MCC: variants seen among roughly 807,000 people sequenced by gnomAD.
MCC encodes the protein colorectal mutant cancer protein.
MCC carries 90 observed loss-of-function variants against 116.2 expected under a neutral mutation model. The ratio of observed to expected loss-of-function variants is 0.77; its 90% CI spans 0.65 to 0.92. The LOEUF (loss-of-function observed/expected upper bound fraction) is 0.92. Ranked by LOEUF, MCC falls within the 40% of genes least tolerant of loss-of-function variation. The pLI is 0.00. For synonymous variants in MCC, 578 were observed against 510.5 expected (o/e 1.13, Z -1.78); for missense variants, 1,516 against 1,312.2 (o/e 1.16, Z -2.40).
intron 3 of MCC, among the ~76,000 whole-genome samples, chr5:113,182,599 A>G (rs1332288585): frequency 2.7e-5 from 4 of 150,052 alleles, no homozygotes; most frequent in South Asian, 2.1e-4. Context: ...TATCTCAAAG[A>G]AAAAAAAAAG....
chr5:113,397,972 G>A (rs916112188), intron 1 of MCC, among the ~76,000 whole-genome samples: 2 of 152,062 alleles, frequency 1.3e-5, no homozygotes, highest in African/African-American at 2.4e-5. Context: ...CAATCTATAA[G>A]GAGCTTAAAT....
intron 8 of MCC, among the ~76,000 whole-genome samples, chr5:113,096,332 G>C (rs376108926): frequency 8.1e-4 from 123 of 152,266 alleles, no homozygotes; most frequent in African/African-American, 2.6e-3. Context: ...CATAATGTGG[G>C]GGAGTGTGCC....
intron 1 of MCC, chr5:113,435,024 C>A (rs535870451): frequency 2.7e-5 from 18 of 659,180 alleles, no homozygotes; most frequent in African/African-American, 7.2e-5. Flanking sequence ...ATGACTTCAG[C>A]GAGTGAAGTC....
intron 6 of MCC, among the ~76,000 whole-genome samples, chr5:113,110,868 A>G (rs1027334081): frequency 1.3e-5 from 2 of 152,238 alleles, no homozygotes; most frequent in South Asian, 4.1e-4. Context: ...ATTTATGGCT[A>G]TCCTTGTAAA....
chr5:113,349,048 G>A (rs771598838), intron 2 of MCC, among the ~76,000 whole-genome samples: 3 of 151,790 alleles, frequency 2.0e-5, no homozygotes, highest in Admixed American at 6.6e-5. Context: ...AATCATGAGC[G>A]TGAAGCCATA....
chr5:113,149,287 T>G (rs1056436601), intron 4 of MCC, among the ~76,000 whole-genome samples: 4 of 152,068 alleles, frequency 2.6e-5, no homozygotes, highest in African/African-American at 9.6e-5. Context: ...AAGTTTCAGT[T>G]TGGAGACCAC....
chr5:113,238,103 T>C (rs1235488878), intron 3 of MCC, among the ~76,000 whole-genome samples: 1 of 152,176 alleles, frequency 6.6e-6, no homozygotes, highest in Non-Finnish European at 1.5e-5. Context: ...GCTTCCCTCA[T>C]GGCATAAGTA....
chr5:113,128,862 G>T (rs1316457480), intron 5 of MCC, among the ~76,000 whole-genome samples: 1 of 152,172 alleles, frequency 6.6e-6, no homozygotes, highest in African/African-American at 2.4e-5. Flanking sequence ...TACAGTTTTT[G>T]AAATGCAACA....
intron 3 of MCC, among the ~76,000 whole-genome samples, chr5:113,178,382 G>T (rs1761446154): frequency 6.6e-6 from 1 of 151,840 alleles, no homozygotes; most frequent in South Asian, 2.1e-4. Flanking sequence ...AAGGATTCTG[G>T]CCTGTTTCCA....
At chr5:113,045,248 A>G (rs2150216765) in intron 16 of MCC, among the ~76,000 whole-genome samples, 1 of 152,294 alleles carries the variant, frequency 6.6e-6, no homozygotes, top group South Asian at 2.1e-4. Flanking sequence ...CGAGAATTTC[A>G]AAACCTAACG....
At chr5:113,445,849 A>G (rs564515370) in intron 1 of MCC, among the ~76,000 whole-genome samples, 57 of 151,242 alleles carry the variant, frequency 3.8e-4, no homozygotes, top group Non-Finnish European at 4.6e-4. Flanking sequence ...ACTTCAAACT[A>G]TGTTATAAAG....
Position 113,033,678 on chromosome 5 carries a change from T to TA in MCC, c.2757-4623dup, listed in dbSNP as rs1351136110. Among the ~76,000 whole-genome samples, 5 of 152,294 alleles carry TA rather than the reference T, an allele frequency of 3.3e-5. No homozygotes were observed. The East Asian group carries it at 9.7e-4, about 29-fold the overall frequency. Reference sequence around the variant, plus strand: ...CAGTGTTTCCTGGAATGGCCAGAAATACATAATCCATTCCTTTTTTATGCC... The same window carrying TA: ...CAGTGTTTCCTGGAATGGCCAGAAATAACATAATCCATTCCTTTTTTATGCC... On this transcript the variant is annotated intron_variant, in intron 17 of 18. Coordinates refer to ENST00000408903, the MANE Select transcript of MCC (RefSeq NM_001085377.2).
At chr5:113,345,255 C>T (rs147141163) in intron 2 of MCC, among the ~76,000 whole-genome samples, 2 of 152,050 alleles carry the variant, frequency 1.3e-5, no homozygotes, top group African/African-American at 4.8e-5. Flanking sequence ...AATAGAGTAC[C>T]AGGTAGATTT....
chr5:113,467,173 A>G (rs1447659054), intron 1 of MCC, among the ~76,000 whole-genome samples: 1 of 151,856 alleles, frequency 6.6e-6, no homozygotes, highest in Non-Finnish European at 1.5e-5. Flanking sequence ...TGCTGTGCAG[A>G]AGCTCTTCAG....
At chr5:113,094,584 C>A (rs1271338635) in intron 8 of MCC, among the ~76,000 whole-genome samples, 1 of 152,018 alleles carries the variant, frequency 6.6e-6, no homozygotes, top group Non-Finnish European at 1.5e-5. Context: ...CCACGCCTGG[C>A]TAATTTTTTG....
At chr5:113,186,941 A>G (rs1200733162) in intron 3 of MCC, among the ~76,000 whole-genome samples, 1 of 152,174 alleles carries the variant, frequency 6.6e-6, no homozygotes. Flanking sequence ...ATACTGCTAA[A>G]CATCCTACAA....
intron 1 of MCC, among the ~76,000 whole-genome samples, chr5:113,388,022 G>T (rs1341039755): frequency 6.6e-6 from 1 of 152,284 alleles, no homozygotes; most frequent in South Asian, 2.1e-4. Flanking sequence ...CCTGCTGGCA[G>T]CCCACTTACA....
chr5:113,437,093 A>T (rs964115210), intron 1 of MCC: 4 of 152,198 alleles, frequency 2.6e-5, no homozygotes, highest in African/African-American at 4.8e-5. Flanking sequence ...TCAAAAAAAA[A>T]AAAAGTTTAT....
intron 3 of MCC, among the ~76,000 whole-genome samples, chr5:113,230,790 C>A (rs574981555): frequency 4.8e-4 from 73 of 152,298 alleles, no homozygotes; most frequent in African/African-American, 1.7e-3. Context: ...TGACTACCTT[C>A]ACATATTGTG....
Sources: gnomAD v4.1 joint callset for allele counts (sites outside exome capture counted in the v4.1 genomes callset) on GRCh38, gnomAD v4.1.1 for gene constraint, MANE v1.5 for transcripts, NCBI Gene and HGNC (gene_info 2026-07-23, HGNC 2026-07-21) for gene names.